TDRD5: variants seen among roughly 807,000 people sequenced by gnomAD.
TDRD5 encodes tudor domain containing 5.
In TDRD5, 41 loss-of-function variants were observed where a neutral mutation model predicts 120.6. The ratio of observed to expected loss-of-function variants is 0.34; its 90% CI spans 0.26 to 0.44. TDRD5 has a LOEUF of 0.44. TDRD5 is among the 20% of genes least tolerant of loss of function. TDRD5 has a pLI of 1.00. For synonymous variants in TDRD5, 430 were observed against 433.7 expected (o/e 0.99, Z 0.11); for missense variants, 1,006 against 1,221.2 (o/e 0.82, Z 2.63).
In TDRD5 at chr1:179,621,055, G is replaced by T; in HGVS notation, c.936G>T (p.Glu312Asp). Reference sequence around the variant, plus strand: ...GTTAGGTTGTATCTAAGTTCCCAGAGGGTTTGTTTATTTCTAAACTGCTTG... The same window carrying T: ...GTTAGGTTGTATCTAAGTTCCCAGATGGTTTGTTTATTTCTAAACTGCTTG... ...KIKFVVSKFP[E>D]GLFISKLLGE... Residue 312 changes from glutamate (E) to aspartate (D), a missense_variant, in exon 6 of 18, where the codon GAG becomes GAT. Coordinates refer to ENST00000444136, the MANE Select transcript of TDRD5 (RefSeq NM_001199085.3). The T allele has an allele frequency of 1.2e-6, 2 of 1,603,762 alleles. No homozygotes were observed. Among genetic ancestry groups the T allele is most frequent in the Non-Finnish European group, 1.7e-6 (2 of 1,177,006 alleles).
intron 12 of TDRD5, 116 bp downstream of exon 12, chr1:179,651,183 C>A: frequency 1.8e-6 from 2 of 1,125,112 alleles, no homozygotes; most frequent in Middle Eastern, 2.4e-4. Context: ...TTAGAGACAT[C>A]CACGAGATTC....
intron 14 of TDRD5, among the ~76,000 whole-genome samples, chr1:179,656,905 T>C (rs1679036581): frequency 6.6e-6 from 1 of 152,070 alleles, no homozygotes; most frequent in African/African-American, 2.4e-5. Context: ...ATACAAAAAC[T>C]AGCCGAGTGT....
rs1335353610 is a variant in TDRD5 at position 179,662,299 on chromosome 1, G to A, written c.2505+13G>A. 1 of 1,596,190 alleles carries A rather than the reference G, an allele frequency of 6.3e-7. No individual in the cohort carries two copies. Among genetic ancestry groups the A allele is most frequent in the South Asian group, 1.1e-5 (1 of 88,128 alleles). ...AATGCCACAGAAGGTTAGATCCTTG[G>A]AAAAATAGAAAGCAAATCAGGCCGG... On this transcript the variant is annotated intron_variant, in intron 15 of 17. Coordinates refer to ENST00000444136, the MANE Select transcript of TDRD5 (RefSeq NM_001199085.3).
chr1:179,683,401 G>C (rs1310069983), intron 17 of TDRD5, among the ~76,000 whole-genome samples: 1 of 152,042 alleles, frequency 6.6e-6, no homozygotes, highest in African/African-American at 2.4e-5. Context: ...CATACCTTTT[G>C]ATATCCGAGC....
At chr1:179,654,674 C>T (rs960166210) in intron 14 of TDRD5, among the ~76,000 whole-genome samples, 2 of 152,104 alleles carry the variant, frequency 1.3e-5, no homozygotes, top group Non-Finnish European at 2.9e-5. Flanking sequence ...GAGGCTGGGG[C>T]TTGAGAATGC....
At chr1:179,657,830 C>T (rs1679088175) in intron 14 of TDRD5, among the ~76,000 whole-genome samples, 1 of 151,980 alleles carries the variant, frequency 6.6e-6, no homozygotes, top group Non-Finnish European at 1.5e-5. Context: ...TATGCATTAC[C>T]TCACATATTT....
At chr1:179,601,482 G>A (rs115444867) in intron 4 of TDRD5, among the ~76,000 whole-genome samples, 4,098 of 152,102 alleles carry the variant, frequency 0.027, 175 homozygotes, top group African/African-American at 0.092. Context: ...CGTCCTCATA[G>A]CTTAGTTCCC....
intron 17 of TDRD5, among the ~76,000 whole-genome samples, chr1:179,670,461 A>G (rs1417670023): frequency 1.3e-5 from 2 of 152,116 alleles, no homozygotes; most frequent in African/African-American, 2.4e-5. Flanking sequence ...CAGTAACTGC[A>G]TGTTTAACTT....
In TDRD5 at chr1:179,663,382, A is replaced by G; in HGVS notation, c.2540A>G (p.Asp847Gly). 1 of 1,613,550 alleles carries G rather than the reference A, an allele frequency of 6.2e-7. No homozygotes were observed. The highest frequency in any genetic ancestry group is 8.5e-7 in the Non-Finnish European group (1 of 1,179,840). The stretch of plus-strand genomic sequence containing the variant: ...TTTTCTACCCCTAAAGATACATGGG[A>G]TGATTCTTGGCAGCCTTCAGGCCTT... ...WCFSTPKDTWDDSWQPSGLVN... is the reference protein window; with the variant it reads ...WCFSTPKDTWGDSWQPSGLVN... The change falls in exon 16 of 18, where the codon GAT becomes GGT. Residue 847 changes from aspartate (D) to glycine (G), a missense_variant. By Grantham distance (94) the Asp-to-Gly change is moderately conservative. Around this residue, in one of 3 missense-constraint regions of TDRD5, gnomAD observed 403 missense variants for 448.1 expected, o/e 0.90. Coordinates refer to ENST00000444136, the MANE Select transcript of TDRD5 (RefSeq NM_001199085.3).
At chr1:179,675,255 T>A (rs74360579) in intron 17 of TDRD5, among the ~76,000 whole-genome samples, 3,988 of 116,254 alleles carry the variant, frequency 0.034, 326 homozygotes, top group African/African-American at 0.1. Flanking sequence ...TCAAAGAATT[T>A]TTATTATTAT....
chr1:179,599,417 C>A (rs753639340), intron 4 of TDRD5, among the ~76,000 whole-genome samples: 3 of 151,846 alleles, frequency 2.0e-5, no homozygotes, highest in African/African-American at 4.8e-5. Flanking sequence ...ATTTGTTTTT[C>A]TTAAATATTT....
chr1:179,627,207 A>G (rs1677176668), intron 6 of TDRD5, among the ~76,000 whole-genome samples: 1 of 152,214 alleles, frequency 6.6e-6, no homozygotes, highest in Non-Finnish European at 1.5e-5. Flanking sequence ...CCATGCAAGA[A>G]TTCAAGAACT....
chr1:179,621,192 T>C (rs1021026604), intron 6 of TDRD5, 101 bp downstream of exon 6: 3 of 949,292 alleles, frequency 3.2e-6, no homozygotes, highest in Non-Finnish European at 4.6e-6. Context: ...AGGTCTATGC[T>C]CTAAAACGGA....
At chr1:179,592,400 CTG>C (rs1258719942) in intron 1 of TDRD5, 200 bp from the exon 2 acceptor site, 3 of 531,428 alleles carry the variant, frequency 5.6e-6, no homozygotes, top group Middle Eastern at 5.2e-4. Context: ...TTCTTGACAC[CTG>C]TAGCTTAATC....
chr1:179,690,378 G>C (rs926579019), intron 17 of TDRD5, among the ~76,000 whole-genome samples: 1 of 152,130 alleles, frequency 6.6e-6, no homozygotes, highest in African/African-American at 2.4e-5. Flanking sequence ...TGGGCTCTTT[G>C]GGATTTCCGT....
At chr1:179,597,412 A>G (rs1413177071) in intron 4 of TDRD5, among the ~76,000 whole-genome samples, 1 of 149,110 alleles carries the variant, frequency 6.7e-6, no homozygotes, top group African/African-American at 2.5e-5. Context: ...GCTCACTGCA[A>G]CTTCCGTCTC....
intron 13 of TDRD5, 124 bp downstream of exon 13, chr1:179,652,321 C>T: frequency 1.1e-6 from 1 of 928,014 alleles, no homozygotes; most frequent in Non-Finnish European, 1.6e-6. Context: ...GTGATCTTAA[C>T]AATTTGTCTC....
intron 4 of TDRD5, among the ~76,000 whole-genome samples, chr1:179,607,064 CATGAACATGG>C (rs1213526366): frequency 6.6e-6 from 1 of 152,066 alleles, no homozygotes; most frequent in Non-Finnish European, 1.5e-5. Context: ...TTTTTCTATC[CATGAACATGG>C]AATAATTATC....
chr1:179,604,245 A>C (rs892107186), intron 4 of TDRD5, among the ~76,000 whole-genome samples: 1 of 150,844 alleles, frequency 6.6e-6, no homozygotes, highest in Non-Finnish European at 1.5e-5. Flanking sequence ...TTTCTTGATG[A>C]GGTTATTTGG....
Sources: allele counts gnomAD v4.1 joint callset (sites outside exome capture counted in the v4.1 genomes callset), GRCh38; gene constraint gnomAD v4.1.1; regional missense constraint gnomAD v4.1.1; transcripts MANE v1.5; gene names NCBI Gene and HGNC (gene_info 2026-07-23, HGNC 2026-07-21).